Variants in SGCZ observed in about 807,000 individuals in gnomAD.
SGCZ encodes the protein zeta-sarcoglycan.
Under a neutral mutation model 41.3 loss-of-function variants are expected in SGCZ, and 40 were observed. That is an observed-to-expected ratio of 0.97 (90% CI 0.75 to 1.26). The LOEUF is 1.26. Ranked by LOEUF, SGCZ falls within the 50% of genes most tolerant of loss-of-function variation. The pLI is 0.00. For missense variants in SGCZ, 552 were observed against 369.8 expected (o/e 1.49, Z -4.04); for synonymous variants, 206 against 137.5 (o/e 1.50, Z -3.49).
intron 2 of SGCZ, among the ~76,000 whole-genome samples, chr8:14,440,443 G>C (rs965927500): frequency 6.6e-6 from 1 of 152,014 alleles, no homozygotes; most frequent in Non-Finnish European, 1.5e-5. Flanking sequence ...GCCTGGGTTT[G>C]TTGGCCAGAA....
chr8:14,641,391 G>GA (rs897314621), intron 1 of SGCZ, among the ~76,000 whole-genome samples: 13 of 151,772 alleles, frequency 8.6e-5, no homozygotes, highest in African/African-American at 2.7e-4. Context: ...AATGTTTGTA[G>GA]AAAAAATCGT....
intron 1 of SGCZ, among the ~76,000 whole-genome samples, chr8:14,999,335 T>C (rs1489465310): frequency 5.9e-5 from 9 of 152,164 alleles, no homozygotes; most frequent in Non-Finnish European, 1.0e-4. Flanking sequence ...TTCTAGCCCA[T>C]AGGATTATAG....
At chr8:14,830,715 A>G (rs1802497845) in intron 1 of SGCZ, among the ~76,000 whole-genome samples, 1 of 152,178 alleles carries the variant, frequency 6.6e-6, no homozygotes, top group Non-Finnish European at 1.5e-5. Context: ...ATGTCATTAT[A>G]TTCCCAGTTG....
intron 5 of SGCZ, among the ~76,000 whole-genome samples, chr8:14,139,033 A>G (rs866203039): frequency 1.6e-4 from 25 of 152,316 alleles, no homozygotes; most frequent in African/African-American, 6.0e-4. Context: ...CAGGATTAAG[A>G]AACTCATTCA....
intron 3 of SGCZ, among the ~76,000 whole-genome samples, chr8:14,259,354 C>T (rs1259824340): frequency 6.6e-6 from 1 of 151,722 alleles, no homozygotes; most frequent in South Asian, 2.1e-4. Flanking sequence ...GTTGCCATTG[C>T]TTTTGGTGTT....
chr8:14,655,068 C>T (rs1807521750), intron 1 of SGCZ, among the ~76,000 whole-genome samples: 1 of 151,988 alleles, frequency 6.6e-6, no homozygotes, highest in Admixed American at 6.6e-5. Context: ...ATTTTGGGTT[C>T]TTTCAAAAAT....
rs563891433 is a variant in SGCZ, at chr8:14,260,863, C to T, written c.337-23184G>A. Among the ~76,000 whole-genome samples the T allele has an allele frequency of 1.5e-3, 225 of 152,036 alleles. 1 individual carries two copies. The highest frequency in any genetic ancestry group is 2.1e-3 in the Admixed American group (32 of 15,284). On this transcript the variant is annotated intron_variant, in intron 3 of 7. Coordinates refer to ENST00000382080, the MANE Select transcript of SGCZ (RefSeq NM_139167.4). ...ATCTCAAGAACAAAAAACCAAACAC[C>T]GCATATTCTCACTCACAGGTGGGAA...
intron 3 of SGCZ, among the ~76,000 whole-genome samples, chr8:14,238,896 A>T (rs1806866602): frequency 6.6e-6 from 1 of 152,040 alleles, no homozygotes; most frequent in African/African-American, 2.4e-5. Flanking sequence ...TCAATATACA[A>T]GTGCTTTCAT....
At chr8:14,391,354 A>C (rs1804763682) in intron 2 of SGCZ, among the ~76,000 whole-genome samples, 1 of 152,180 alleles carries the variant, frequency 6.6e-6, no homozygotes, top group South Asian at 2.1e-4. Context: ...AAGAACAAAG[A>C]AACAAAGAAA....
At chr8:14,351,249 T>C (rs1239261309) in intron 2 of SGCZ, among the ~76,000 whole-genome samples, 1 of 152,164 alleles carries the variant, frequency 6.6e-6, no homozygotes, top group African/African-American at 2.4e-5. Flanking sequence ...TAGTTAAACT[T>C]ATTCAGATAA....
intron 1 of SGCZ, among the ~76,000 whole-genome samples, chr8:15,166,943 C>G (rs1224239621): frequency 6.6e-6 from 1 of 152,072 alleles, no homozygotes; most frequent in Non-Finnish European, 1.5e-5. Context: ...CTCGAGTTAA[C>G]TAAATGGACT....
intron 3 of SGCZ, among the ~76,000 whole-genome samples, chr8:14,284,440 T>A (rs1320047876): frequency 6.6e-6 from 1 of 152,250 alleles, no homozygotes; most frequent in African/African-American, 2.4e-5. Flanking sequence ...ATAGGTTTAC[T>A]AATCTATATT....
intron 2 of SGCZ, among the ~76,000 whole-genome samples, chr8:14,553,105 A>G (rs1291118402): frequency 6.6e-6 from 1 of 152,100 alleles, no homozygotes; most frequent in Admixed American, 6.6e-5. Context: ...GTGCAGGAGC[A>G]TAAACATTGC....
chr8:14,485,833 A>ATCTTTT (rs1801656202), intron 2 of SGCZ, among the ~76,000 whole-genome samples: 1 of 103,368 alleles, frequency 9.7e-6, no homozygotes, highest in African/African-American at 3.5e-5. Flanking sequence ...CTCTAGAACA[A>ATCTTTT]TTTTTTTTTT....
chr8:14,516,333 G>T (rs900484188), intron 2 of SGCZ, among the ~76,000 whole-genome samples: 8 of 151,750 alleles, frequency 5.3e-5, no homozygotes, highest in Non-Finnish European at 8.8e-5. Context: ...TGTGTCTGTT[G>T]TTCCTTCTTC....
chr8:15,145,652 A>C (rs1799016377), intron 1 of SGCZ, among the ~76,000 whole-genome samples: 1 of 152,032 alleles, frequency 6.6e-6, no homozygotes, highest in African/African-American at 2.4e-5. Context: ...ACAAGGTCTT[A>C]CTATGTTTCC....
intron 3 of SGCZ, among the ~76,000 whole-genome samples, chr8:14,241,545 T>TA (rs996199801): frequency 6.3e-4 from 95 of 150,546 alleles, no homozygotes; most frequent in African/African-American, 2.2e-3. Context: ...TAAATATCTT[T>TA]TTTTTTTGGA....
At chr8:14,615,683 T>A (rs1036139892) in intron 1 of SGCZ, among the ~76,000 whole-genome samples, 2 of 152,126 alleles carry the variant, frequency 1.3e-5, no homozygotes, top group Admixed American at 1.3e-4. Context: ...AGTATTAAGT[T>A]TTGGGGAAAT....
chr8:15,092,778 A>G (rs1381482863), intron 1 of SGCZ, among the ~76,000 whole-genome samples: 1 of 152,186 alleles, frequency 6.6e-6, no homozygotes, highest in Non-Finnish European at 1.5e-5. Context: ...TGTAAAATTC[A>G]TCCTGATGGA....
Sources: allele counts gnomAD v4.1 joint callset (sites outside exome capture counted in the v4.1 genomes callset), GRCh38; gene constraint gnomAD v4.1.1; transcripts MANE v1.5; gene names NCBI Gene and HGNC (gene_info 2026-07-23, HGNC 2026-07-21).